Variants in NEDD4L observed in about 807,000 individuals in gnomAD.
NEDD4L encodes E3 ubiquitin-protein ligase NEDD4-like.
A neutral mutation model predicts 148.9 loss-of-function variants in NEDD4L; 54 were observed. That is an observed-to-expected ratio of 0.36 (90% CI 0.29 to 0.45). The LOEUF is 0.45. NEDD4L is among the 20% of genes least tolerant of loss of function. NEDD4L has a pLI of 1.00. For synonymous variants in NEDD4L, 433 were observed against 440.7 expected (o/e 0.98, Z 0.22); for missense variants, 856 against 1,233.8 (o/e 0.69, Z 4.59).
chr18:58,164,598 G>A (rs1450521349), intron 1 of NEDD4L, among the ~76,000 whole-genome samples: 1 of 152,170 alleles, frequency 6.6e-6, no homozygotes, highest in Non-Finnish European at 1.5e-5. Flanking sequence ...AGCCTCCTGA[G>A]TAGCTGGGAT....
chr18:58,061,571 G>A (rs941749927), intron 1 of NEDD4L, among the ~76,000 whole-genome samples: 3 of 151,688 alleles, frequency 2.0e-5, no homozygotes, highest in Admixed American at 1.3e-4. Context: ...GCATAGGATC[G>A]ATTTTTTTCA....
intron 8 of NEDD4L, among the ~76,000 whole-genome samples, chr18:58,323,682 G>T (rs992534825): frequency 1.3e-5 from 2 of 152,146 alleles, no homozygotes; most frequent in Non-Finnish European, 2.9e-5. Context: ...CATTGAGGTC[G>T]CTTCAAAGTG....
chr18:58,173,911 A>G (rs1228301939), intron 2 of NEDD4L, among the ~76,000 whole-genome samples: 1 of 152,224 alleles, frequency 6.6e-6, no homozygotes, highest in Non-Finnish European at 1.5e-5. Context: ...CGGTGGGTCT[A>G]TTAAGACTCT....
At chr18:58,367,670 G>A in intron 21 of NEDD4L, 76 bp from the exon 22 acceptor site, 4 of 1,531,760 alleles carry the variant, frequency 2.6e-6, no homozygotes, top group Non-Finnish European at 1.8e-6. Context: ...AAAGTTGAGT[G>A]ACAGGTGGCA....
At chr18:58,131,892 G>T (rs2032210863) in intron 1 of NEDD4L, among the ~76,000 whole-genome samples, 1 of 152,176 alleles carries the variant, frequency 6.6e-6, no homozygotes, top group Non-Finnish European at 1.5e-5. Flanking sequence ...TTAGGATTTT[G>T]AACCAATTTT....
chr18:58,087,413 G>C (rs79391630), intron 1 of NEDD4L, among the ~76,000 whole-genome samples: 204 of 152,232 alleles, frequency 1.3e-3, no homozygotes, highest in Non-Finnish European at 2.2e-3. Context: ...TCTTTTTACA[G>C]TCTTTCCAGT....
intron 1 of NEDD4L, among the ~76,000 whole-genome samples, chr18:58,077,751 G>C (rs2083243013): frequency 6.6e-6 from 1 of 152,116 alleles, no homozygotes; most frequent in Non-Finnish European, 1.5e-5. Context: ...TGCAGAGGTG[G>C]GCAGTTATCT....
chr18:58,333,847 A>C lies in NEDD4L; in HGVS notation c.1020A>C (p.Ser340=). ...GAGAACCCTCCTCAAGGTTGAGGTCATGCAGTGTCACCGACGCAGTTGCAG... is the reference window on the plus strand; with the variant it reads ...GAGAACCCTCCTCAAGGTTGAGGTCCTGCAGTGTCACCGACGCAGTTGCAG... ...IQREPSSRLR[S]CSVTDAVAEQ... The change falls in exon 12 of 31, where the codon TCA becomes TCC. Residue 340 remains serine, a synonymous_variant. Coordinates refer to ENST00000400345, the MANE Select transcript of NEDD4L (RefSeq NM_001144967.3). 1 of 1,613,874 alleles carries C rather than the reference A, an allele frequency of 6.2e-7. No homozygotes were observed. The highest frequency in any genetic ancestry group is 8.5e-7 in the Non-Finnish European group (1 of 1,179,802).
At chr18:58,071,852 A>G (rs1482599023) in intron 1 of NEDD4L, among the ~76,000 whole-genome samples, 2 of 152,198 alleles carry the variant, frequency 1.3e-5, no homozygotes, top group African/African-American at 4.8e-5. Flanking sequence ...AAACCATCAG[A>G]TCTCATGAGA....
At chr18:58,362,203 C>T (rs943652150) in intron 19 of NEDD4L, among the ~76,000 whole-genome samples, 2 of 152,240 alleles carry the variant, frequency 1.3e-5, no homozygotes, top group African/African-American at 4.8e-5. Flanking sequence ...ATGTTGAAAT[C>T]TGCTCCTTGG....
intron 1 of NEDD4L, among the ~76,000 whole-genome samples, chr18:58,090,394 G>A (rs1480545812): frequency 1.3e-5 from 2 of 152,096 alleles, no homozygotes; most frequent in African/African-American, 4.8e-5. Context: ...TGTTTTCTTT[G>A]GTATGAGAAC....
chr18:58,116,793 A>C (rs1373257897), intron 1 of NEDD4L, among the ~76,000 whole-genome samples: 1 of 152,276 alleles, frequency 6.6e-6, no homozygotes, highest in Non-Finnish European at 1.5e-5. Context: ...GAGTGCCAGC[A>C]TGGGCTTGAG....
At chr18:58,231,168 T>C (rs2045153560) in intron 2 of NEDD4L, among the ~76,000 whole-genome samples, 1 of 148,704 alleles carries the variant, frequency 6.7e-6, no homozygotes. Context: ...GAGAATTGCT[T>C]GAGCCCAGGA....
chr18:58,068,203 T>G lies in NEDD4L; in HGVS notation c.48+23495T>G, dbSNP rs796314016. On this transcript the variant is annotated intron_variant, in intron 1 of 30. Coordinates refer to ENST00000400345, the MANE Select transcript of NEDD4L (RefSeq NM_001144967.3). ...ACTCCTAGAATTCTTTTTTTTTTTTTTTTTGTTTTGTTTTGAGACGGAGTC... is the reference window on the plus strand; with the variant it reads ...ACTCCTAGAATTCTTTTTTTTTTTTGTTTTGTTTTGTTTTGAGACGGAGTC... Among the ~76,000 whole-genome samples, 1,179 of 123,292 alleles carry G rather than the reference T, an allele frequency of 9.6e-3. 18 individuals carry two copies. Among genetic ancestry groups the G allele is most frequent in the African/African-American group, 0.028 (652 of 23,278 alleles). The allele number at this position is 123,292 out of a possible 152,430, so 80.9% of individuals were successfully genotyped here.
chr18:58,389,141 T>G lies in NEDD4L; in HGVS notation c.2604T>G (p.Ile868Met). The change falls in exon 28 of 31, where the codon ATT becomes ATG. Residue 868 changes from isoleucine (I) to methionine (M), a missense_variant. Physicochemically the swap from Ile to Met is conservative, Grantham distance 10 (BLOSUM62 1). This residue lies in a region of NEDD4L where 286 missense variants were observed against 531.8 expected (regional missense o/e 0.54). Transcript: ENST00000400345. ...TGAATGACTGGAGACAGCATTCTAT[T>G]TACAAGAACGGCTACTGCCCAAACC... ...VDVNDWRQHS[I>M]YKNGYCPNHP... 3 of 1,614,012 alleles carry G rather than the reference T, an allele frequency of 1.9e-6. No homozygotes were observed. Among genetic ancestry groups the G allele is most frequent in the Non-Finnish European group, 2.5e-6 (3 of 1,179,880 alleles).
intron 2 of NEDD4L, among the ~76,000 whole-genome samples, chr18:58,185,707 C>T (rs950320099): frequency 6.6e-5 from 10 of 152,140 alleles, no homozygotes; most frequent in African/African-American, 2.2e-4. Flanking sequence ...AACCCCATCT[C>T]TACTAAAAAT....
intron 2 of NEDD4L, among the ~76,000 whole-genome samples, chr18:58,183,588 T>C (rs1295834626): frequency 6.6e-6 from 1 of 152,210 alleles, no homozygotes; most frequent in Non-Finnish European, 1.5e-5. Flanking sequence ...TGGAGATAGC[T>C]TTTCATGTTG....
intron 2 of NEDD4L, chr18:58,195,480 G>A (rs762107806): frequency 1.6e-5 from 22 of 1,342,992 alleles, no homozygotes; most frequent in Admixed American, 5.8e-5. Context: ...GGCTTAAGCC[G>A]CGCGAGGGTG....
intron 2 of NEDD4L, among the ~76,000 whole-genome samples, chr18:58,203,847 A>C (rs879631405): frequency 1.1e-4 from 16 of 152,190 alleles, no homozygotes; most frequent in Admixed American, 9.8e-4. Context: ...ACAACTGTGT[A>C]CTGCAATTTA....
Sources: allele counts gnomAD v4.1 joint callset (sites outside exome capture counted in the v4.1 genomes callset), GRCh38; gene constraint gnomAD v4.1.1; regional missense constraint gnomAD v4.1.1; transcripts MANE v1.5; gene names NCBI Gene and HGNC (gene_info 2026-07-23, HGNC 2026-07-21).